RALGAPA2: variants seen among roughly 807,000 people sequenced by gnomAD.
RALGAPA2 encodes the protein Ral GTPase activating protein catalytic subunit alpha 2, also known as ral GTPase-activating protein subunit alpha-2.
A neutral mutation model predicts 230.4 loss-of-function variants in RALGAPA2; 139 were observed. The observed-to-expected ratio is 0.60, with a 90% CI of 0.53 to 0.69. The LOEUF is 0.69. Among genes scored for constraint, RALGAPA2 ranks in the 30% least tolerant of loss-of-function variants. The pLI is 0.00. For missense variants in RALGAPA2, 2,163 were observed against 2,276.0 expected (o/e 0.95, Z 1.01); for synonymous variants, 847 against 837.8 (o/e 1.01, Z -0.19).
intron 23 of RALGAPA2, among the ~76,000 whole-genome samples, chr20:20,569,796 C>T (rs987287338): frequency 1.3e-5 from 2 of 152,014 alleles, no homozygotes; most frequent in African/African-American, 4.8e-5. Context: ...TTCTAAGGAA[C>T]ATTGTTTACT....
intron 24 of RALGAPA2, among the ~76,000 whole-genome samples, chr20:20,541,782 G>A (rs142141919): frequency 1.1e-3 from 167 of 152,232 alleles, no homozygotes; most frequent in African/African-American, 3.8e-3. Context: ...TATCTGTAAG[G>A]CTACTTTAAT....
At chr20:20,559,668 C>CT (rs11480278) in intron 23 of RALGAPA2, among the ~76,000 whole-genome samples, 11,153 of 151,036 alleles carry the variant, frequency 0.074, 561 homozygotes, top group East Asian at 0.16. Flanking sequence ...CTAAAAACAA[C>CT]TTTTTTTTTA....
chr20:20,548,426 A>G (rs1257134768), intron 23 of RALGAPA2, among the ~76,000 whole-genome samples: 2 of 152,146 alleles, frequency 1.3e-5, no homozygotes, highest in African/African-American at 4.8e-5. Flanking sequence ...TCTTAAAATT[A>G]CTGTATAATG....
intron 36 of RALGAPA2, among the ~76,000 whole-genome samples, chr20:20,493,559 T>C (rs1439850107): frequency 6.6e-6 from 1 of 152,192 alleles, no homozygotes; most frequent in African/African-American, 2.4e-5. Flanking sequence ...GGCTTGCATG[T>C]TTTTTACTTA....
At chr20:20,545,383 CTTTCTTCTCTTTTGCT>C (rs2063753599) in intron 24 of RALGAPA2, among the ~76,000 whole-genome samples, 1 of 152,060 alleles carries the variant, frequency 6.6e-6, no homozygotes, top group African/African-American at 2.4e-5. Context: ...TCTCTTTTAC[CTTTCTTCTCTTTTGCT>C]CCTGTCTCTT....
chr20:20,622,235 G>C (rs1383698529), intron 10 of RALGAPA2, among the ~76,000 whole-genome samples: 2 of 151,744 alleles, frequency 1.3e-5, no homozygotes, highest in African/African-American at 2.4e-5. Context: ...ACAATGAATA[G>C]GTTATCCAAT....
chr20:20,675,217 A>G (rs1379317894), intron 3 of RALGAPA2, among the ~76,000 whole-genome samples: 1 of 152,210 alleles, frequency 6.6e-6, no homozygotes, highest in Non-Finnish European at 1.5e-5. Flanking sequence ...ATAGCGAATC[A>G]ACATCTGTAC....
At chr20:20,473,367 T>C (rs866088139) in intron 36 of RALGAPA2, among the ~76,000 whole-genome samples, 2 of 152,206 alleles carry the variant, frequency 1.3e-5, no homozygotes, top group Admixed American at 6.5e-5. Flanking sequence ...TCCTGATGTA[T>C]ATTAACTCTT....
chr20:20,486,790 G>A (rs2061924022), intron 36 of RALGAPA2, among the ~76,000 whole-genome samples: 1 of 152,106 alleles, frequency 6.6e-6, no homozygotes, highest in Non-Finnish European at 1.5e-5. Flanking sequence ...CTGCATTCCA[G>A]TTTCACGGTT....
chr20:20,557,358 G>T (rs907919708), intron 23 of RALGAPA2, among the ~76,000 whole-genome samples: 1 of 152,068 alleles, frequency 6.6e-6, no homozygotes, highest in African/African-American at 2.4e-5. Flanking sequence ...AATCATGTAA[G>T]TAAATATTAA....
chr20:20,652,852 C>T (rs1050945338), intron 4 of RALGAPA2, among the ~76,000 whole-genome samples: 4 of 152,118 alleles, frequency 2.6e-5, no homozygotes, highest in African/African-American at 7.2e-5. Flanking sequence ...CATCCTAAAG[C>T]ATTCAAAGAG....
intron 14 of RALGAPA2, among the ~76,000 whole-genome samples, chr20:20,606,448 T>G (rs1287905928): frequency 1.3e-5 from 2 of 152,166 alleles, no homozygotes; most frequent in Non-Finnish European, 2.9e-5. Context: ...AGCATAATAG[T>G]AAAAGGTATT....
At chr20:20,396,596 C>T (rs546926588) in intron 39 of RALGAPA2, 99 bp downstream of exon 39, 11 of 1,159,926 alleles carry the variant, frequency 9.5e-6, no homozygotes, top group South Asian at 7.7e-5. Context: ...GCGAGGAGCA[C>T]TGATGCAGGG....
chr20:20,590,717 C>T (rs567791924), intron 17 of RALGAPA2, among the ~76,000 whole-genome samples: 2 of 152,288 alleles, frequency 1.3e-5, no homozygotes, highest in South Asian at 4.1e-4. Context: ...GCAGAGTCGG[C>T]AAGCTGTTAA....
intron 31 of RALGAPA2, among the ~76,000 whole-genome samples, chr20:20,517,113 T>G (rs1182805688): frequency 1.3e-5 from 2 of 152,162 alleles, no homozygotes; most frequent in African/African-American, 4.8e-5. Flanking sequence ...TACCTACAGA[T>G]AGCCCTCCTG....
At chr20:20,497,014 G>C (rs1442860877) in intron 35 of RALGAPA2, among the ~76,000 whole-genome samples, 1 of 152,132 alleles carries the variant, frequency 6.6e-6, no homozygotes. Context: ...CAATTTAATG[G>C]CATCTCCGAC....
intron 12 of RALGAPA2, among the ~76,000 whole-genome samples, 199 bp from the exon 13 acceptor site, chr20:20,616,390 C>A (rs1249597835): frequency 6.6e-6 from 1 of 152,052 alleles, no homozygotes; most frequent in African/African-American, 2.4e-5. Context: ...CACTTAAATA[C>A]AGAGACACCT....
chr20:20,530,916 T>C (rs1017002231), intron 27 of RALGAPA2, among the ~76,000 whole-genome samples: 1 of 152,160 alleles, frequency 6.6e-6, no homozygotes, highest in Non-Finnish European at 1.5e-5. Flanking sequence ...AGTGTGATAA[T>C]GGCAATGCTA....
intron 23 of RALGAPA2, among the ~76,000 whole-genome samples, chr20:20,548,105 A>T (rs1568565298): frequency 6.6e-6 from 1 of 151,542 alleles, no homozygotes; most frequent in Admixed American, 6.6e-5. Context: ...GTCTCAATAT[A>T]AGAGTAAGAA....
Sources: allele counts gnomAD v4.1 joint callset (sites outside exome capture counted in the v4.1 genomes callset), GRCh38; gene constraint gnomAD v4.1.1; transcripts MANE v1.5; gene names NCBI Gene and HGNC (gene_info 2026-07-23, HGNC 2026-07-21).